MRPS23: variants seen among roughly 807,000 people sequenced by gnomAD.
The protein encoded by MRPS23 is small ribosomal subunit protein mS23.
MRPS23 carries 14 observed loss-of-function variants against 19.8 expected under a neutral mutation model. The ratio of observed to expected loss-of-function variants is 0.71; its 90% CI spans 0.47 to 1.11. MRPS23 has a LOEUF of 1.11. Ranked by LOEUF, MRPS23 falls within the 50% of genes least tolerant of loss-of-function variation. MRPS23 has a pLI of 0.00. For missense variants in MRPS23, 242 were observed against 236.7 expected, an observed-to-expected ratio of 1.02 and a Z score of -0.15; for synonymous variants, 113 against 89.7, an observed-to-expected ratio of 1.26 and a Z score of -1.47.
intron 2 of MRPS23, among the ~76,000 whole-genome samples, chr17:57,842,366 A>G (rs994506566): frequency 6.6e-6 from 1 of 152,206 alleles, no homozygotes; most frequent in African/African-American, 2.4e-5. Context: ...AAACTCACAA[A>G]GCTGTGCAAC....
intron 2 of MRPS23, among the ~76,000 whole-genome samples, chr17:57,842,114 C>A (rs2073743666): frequency 6.6e-6 from 1 of 152,084 alleles, no homozygotes; most frequent in Non-Finnish European, 1.5e-5. Context: ...TGGGCTCAAG[C>A]AATCCTCTTG....
At position 57,839,731 on chromosome 17, in the gene MRPS23, A is replaced by T. The variant is rs2073728619; in HGVS notation, c.*52T>A. 10 of 1,582,828 alleles carry T rather than the reference A, an allele frequency of 6.3e-6. No individual in the cohort carries two copies. The highest frequency in any genetic ancestry group is 8.6e-6 in the Non-Finnish European group (10 of 1,160,310). ...TTCAACTGTTTAAAAATAGCTCAAC[A>T]TTCAGCCAGTGAGTAGAGTGTGAAT... On this transcript the variant is annotated 3_prime_UTR_variant, in exon 5 of 5. Transcript: ENST00000313608.
Position 57,841,233 on chromosome 17 carries a change from A to C in MRPS23, c.243T>G (p.Gly81=). 6.2e-7 allele frequency: 1 copy of C among 1,614,134 alleles called. No individual in the cohort carries two copies. Among genetic ancestry groups the C allele is most frequent in the East Asian group, 2.2e-5 (1 of 44,880 alleles). Reference sequence around the variant, plus strand: ...GATTGAATAGATCAAAAGCTCTTTGACCAGACCCATACACTGAATAAAACT... The same window carrying C: ...GATTGAATAGATCAAAAGCTCTTTGCCCAGACCCATACACTGAATAAAACT... ...RAKFYSVYGS[G]QRAFDLFNPN... The change falls in exon 3 of 5, where the codon GGT becomes GGG. Residue 81 remains glycine (G), a synonymous_variant. Coordinates refer to ENST00000313608, the MANE Select transcript of MRPS23 (RefSeq NM_016070.4).
At chr17:57,848,606 T>A (rs1415975788) in intron 2 of MRPS23, 4 of 151,616 alleles carry the variant, frequency 2.6e-5, no homozygotes, top group African/African-American at 9.7e-5. Context: ...AACTCCTGAC[T>A]TCAGGTGATC....
Position 57,840,779 on chromosome 17 carries a change from A to T in MRPS23, c.420+147T>A, listed in dbSNP as rs965175658. 8 of 908,406 alleles carry T rather than the reference A, an allele frequency of 8.8e-6. No individual in the cohort carries two copies. In the Middle Eastern group the frequency reaches 1.2e-3, roughly 135 times the overall value. 56.3% of individuals were successfully genotyped at this position (908,406 alleles called of 1,614,324 possible). On this transcript the variant is annotated intron_variant, in intron 4 of 4. Coordinates refer to ENST00000313608, the MANE Select transcript of MRPS23 (RefSeq NM_016070.4). ...TTAAAGTATATGGGAGGATATGTGT[A>T]GGTTATATGCAAAAACCACAGCACT... is the stretch of plus-strand genomic sequence containing the variant.
rs567636355 is a variant in MRPS23 at position 57,847,425 on chromosome 17, G to A, written c.215+1815C>T. Among the ~76,000 whole-genome samples, 5 of 151,726 alleles carry A rather than the reference G, an allele frequency of 3.3e-5. No individual in the cohort carries two copies. The South Asian group carries it at 1.0e-3, about 32-fold the overall frequency. The stretch of plus-strand genomic sequence containing the variant: ...CGCCTGTAATCCCAGCACTTTGGGA[G>A]GCCGAGGCAGGCGGATCACGAGGTC... On this transcript the variant is annotated intron_variant, in intron 2 of 4. Coordinates refer to ENST00000313608, the MANE Select transcript of MRPS23 (RefSeq NM_016070.4).
rs1345384057 is a variant in MRPS23 at position 57,834,980 on chromosome 17, G to A, written c.*4803C>T. On this transcript the variant is annotated 3_prime_UTR_variant, in exon 5 of 5. Coordinates refer to ENST00000313608, the MANE Select transcript of MRPS23 (RefSeq NM_016070.4). ...CAAAAATCAGGCCTACCCAATAAAG[G>A]CAGAGGCAGAGCTCTATAAAATTTG... is the stretch of plus-strand genomic sequence containing the variant. 1 of 152,152 alleles carries A rather than the reference G, an allele frequency of 6.6e-6. No individual in the cohort carries two copies. The highest frequency in any genetic ancestry group is 1.5e-5 in the Non-Finnish European group (1 of 68,038). 9.4% of individuals were successfully genotyped at this position (152,152 alleles called of 1,614,324 possible).
Position 57,839,128 on chromosome 17 carries a change from G to A in MRPS23, c.*655C>T, listed in dbSNP as rs994934922. ...AGTCTTTAGCTGGATATAACCATTC[G>A]TTCACTCATTCATTCAACAAGTATT... On this transcript the variant is annotated 3_prime_UTR_variant, in exon 5 of 5. Transcript: ENST00000313608. The A allele has an allele frequency of 2.6e-5, 4 of 152,154 alleles. No individual in the cohort carries two copies. The highest frequency in any genetic ancestry group is 2.1e-4 in the South Asian group (1 of 4,826). The allele number at this position is 152,154 out of a possible 1,614,324, so 9.4% of individuals were successfully genotyped here. A position where few individuals can be genotyped will look rare whatever the true frequency, so the allele number is the denominator to read the frequency against.
At chr17:57,842,355 A>G (rs1404511587) in intron 2 of MRPS23, among the ~76,000 whole-genome samples, 1 of 152,214 alleles carries the variant, frequency 6.6e-6, no homozygotes, top group Non-Finnish European at 1.5e-5. Flanking sequence ...TGACATGTAG[A>G]AAACTCACAA....
chr17:57,841,727 G>GGCAGGC (rs1192803398), intron 2 of MRPS23, among the ~76,000 whole-genome samples: 2 of 152,220 alleles, frequency 1.3e-5, no homozygotes, highest in African/African-American at 4.8e-5. Flanking sequence ...TTGGGAGGCT[G>GGCAGGC]AGGCAGGCAG....
chr17:57,841,591 C>T (rs1179445596), intron 2 of MRPS23, among the ~76,000 whole-genome samples: 1 of 152,242 alleles, frequency 6.6e-6, no homozygotes, highest in African/African-American at 2.4e-5. Flanking sequence ...AGCATATATG[C>T]ACTATCATTC....
At chr17:57,843,518 T>C (rs1444951801) in intron 2 of MRPS23, among the ~76,000 whole-genome samples, 1 of 152,226 alleles carries the variant, frequency 6.6e-6, no homozygotes, top group African/African-American at 2.4e-5. Context: ...ATTACTATGT[T>C]GAAATCCTAA....
rs1005606418 is a variant in MRPS23 at position 57,836,399 on chromosome 17, T to G, written c.*3384A>C. 2.6e-5 allele frequency: 4 copies of G among 152,150 alleles called. No homozygotes were observed. The highest frequency in any genetic ancestry group is 5.9e-5 in the Non-Finnish European group (4 of 68,038). 9.4% of individuals were successfully genotyped at this position (152,150 alleles called of 1,614,324 possible). A position where few individuals can be genotyped will look rare whatever the true frequency, so the allele number is the denominator to read the frequency against. Reference sequence around the variant, plus strand: ...GGGGGTTCAGTAAGGGACTTGATATTATGTATTTTCCGAGCACAGACAGCA... The same window carrying G: ...GGGGGTTCAGTAAGGGACTTGATATGATGTATTTTCCGAGCACAGACAGCA... On this transcript the variant is annotated 3_prime_UTR_variant, in exon 5 of 5. Transcript: ENST00000313608.
chr17:57,843,889 C>A (rs1055073785), intron 2 of MRPS23, among the ~76,000 whole-genome samples: 11 of 152,150 alleles, frequency 7.2e-5, no homozygotes, highest in African/African-American at 2.7e-4. Context: ...AAGATCTTTC[C>A]CAGTTTGTTG....
In MRPS23 at chr17:57,849,224, AG is replaced by A. The variant is rs1303657593; in HGVS notation, c.215+15del. ...AGTTCTGTTGCCTCCTGTCCACTAC[AG>A]GGCTGAGCACTCACGCTCTAATCCG... On this transcript the variant is annotated intron_variant, in intron 2 of 4. Coordinates refer to ENST00000313608, the MANE Select transcript of MRPS23 (RefSeq NM_016070.4). 6.2e-7 allele frequency: 1 copy of A among 1,613,580 alleles called. No individual in the cohort carries two copies. Among genetic ancestry groups the A allele is most frequent in the Admixed American group, 1.7e-5 (1 of 59,900 alleles).
intron 2 of MRPS23, among the ~76,000 whole-genome samples, chr17:57,842,688 T>A (rs1218483615): frequency 1.8e-4 from 27 of 151,956 alleles, no homozygotes; most frequent in Admixed American, 1.8e-3. Context: ...TACATTCACA[T>A]AGGTAATATA....
rs534686646 is a variant in MRPS23 at position 57,846,952 on chromosome 17, A to G, written c.215+2288T>C. On this transcript the variant is annotated intron_variant, in intron 2 of 4. Coordinates refer to ENST00000313608, the MANE Select transcript of MRPS23 (RefSeq NM_016070.4). The stretch of plus-strand genomic sequence containing the variant: ...TAAAAAATAATAAAAATAAATTAAA[A>G]ATAAAAAATAAAAAAAAGAAAAAAT... Among the ~76,000 whole-genome samples the G allele has an allele frequency of 1.1e-3, 166 of 151,498 alleles. 1 individual carries two copies. The highest frequency in any genetic ancestry group is 4.0e-3 in the African/African-American group (165 of 41,508).
At chr17:57,848,653 G>A (rs939918635) in intron 2 of MRPS23, 2 of 151,574 alleles carry the variant, frequency 1.3e-5, no homozygotes, top group Non-Finnish European at 2.9e-5. Flanking sequence ...GGGATTACAG[G>A]CGTGAGCCAC....
chr17:57,839,716 TA>T lies in MRPS23; in HGVS notation c.*66del. 2 of 1,564,480 alleles carry T rather than the reference TA, an allele frequency of 1.3e-6. No individual in the cohort carries two copies. Among genetic ancestry groups the T allele is most frequent in the Non-Finnish European group, 1.7e-6 (2 of 1,150,290 alleles). ...GAAACATTTACACAGTTCAACTGTT[TA>T]AAAATAGCTCAACATTCAGCCAGTG... On this transcript the variant is annotated 3_prime_UTR_variant, in exon 5 of 5. Coordinates refer to ENST00000313608, the MANE Select transcript of MRPS23 (RefSeq NM_016070.4).
Sources: allele counts gnomAD v4.1 joint callset (sites outside exome capture counted in the v4.1 genomes callset), GRCh38; gene constraint gnomAD v4.1.1; transcripts MANE v1.5; gene names NCBI Gene and HGNC (gene_info 2026-07-23, HGNC 2026-07-21).